The following STOX1 variants were observed in gnomAD, a reference collection of about 807,000 sequenced individuals.
The protein encoded by STOX1 is storkhead box 1.
STOX1 carries 57 observed loss-of-function variants against 74.8 expected under a neutral mutation model. The observed-to-expected ratio is 0.76, with a 90% confidence interval of 0.62 to 0.95. The LOEUF (loss-of-function observed/expected upper bound fraction) is 0.95, where lower values mean the gene tolerates loss of function less well. STOX1 is among the 40% of genes least tolerant of loss of function. The probability of loss-of-function intolerance (pLI) is 0.00; values close to 1 mark genes in which losing one functional copy is unlikely to be tolerated. For synonymous variants in STOX1, 375 were observed against 401.3 expected (o/e 0.93, Z 0.78); for missense variants, 1,010 against 1,117.0 (o/e 0.90, Z 1.37).
At chr10:68,872,356 T>C (rs1019446481) in intron 1 of STOX1, among the ~76,000 whole-genome samples, 3 of 147,472 alleles carry the variant, frequency 2.0e-5, no homozygotes, top group African/African-American at 5.0e-5. Context: ...TTTTTTTTTT[T>C]TTTTTTGAGA....
In STOX1 at chr10:68,835,331, C is replaced by T. The variant is rs1352506402; in HGVS notation, c.310+7398C>T. Among the ~76,000 whole-genome samples the T allele has an allele frequency of 9.2e-5, 14 of 152,244 alleles. No individual in the cohort carries two copies. The South Asian group carries it at 1.0e-3, about 11-fold the overall frequency. The stretch of plus-strand genomic sequence containing the variant: ...TGCTGGGATTACAGGCATGAGCCAC[C>T]GCACCCGGCTGGCTTTATTATTATT... On this transcript the variant is annotated intron_variant, in intron 1 of 3. Coordinates refer to ENST00000298596, the MANE Select transcript of STOX1 (RefSeq NM_152709.5).
chr10:68,857,483 A>G (rs756517463), intron 1 of STOX1, among the ~76,000 whole-genome samples: 1 of 152,084 alleles, frequency 6.6e-6, no homozygotes. Flanking sequence ...CATGTCTCCA[A>G]GGTCCTGGGC....
intron 1 of STOX1, among the ~76,000 whole-genome samples, chr10:68,876,119 AATAT>A (rs56325624): frequency 6.9e-4 from 93 of 135,726 alleles, no homozygotes; most frequent in African/African-American, 2.0e-3. Context: ...TCTTTACCAG[AATAT>A]ATATATATAT....
intron 1 of STOX1, among the ~76,000 whole-genome samples, chr10:68,836,494 G>T (rs974420117): frequency 2.6e-5 from 4 of 152,180 alleles, no homozygotes; most frequent in African/African-American, 9.7e-5. Context: ...CAAGACCTCC[G>T]TCTGTCCTTC....
At chr10:68,843,796 A>C (rs1381156906) in intron 1 of STOX1, among the ~76,000 whole-genome samples, 1 of 151,700 alleles carries the variant, frequency 6.6e-6, no homozygotes, top group Non-Finnish European at 1.5e-5. Context: ...TTGACCTCAG[A>C]TGATCCAACC....
chr10:68,835,319 G>A (rs1839518647), intron 1 of STOX1, among the ~76,000 whole-genome samples: 1 of 152,148 alleles, frequency 6.6e-6, no homozygotes, highest in Non-Finnish European at 1.5e-5. Context: ...TGGGATTACA[G>A]GCATGAGCCA....
intron 1 of STOX1, chr10:68,846,866 C>G (rs1012477732): frequency 3.9e-5 from 6 of 152,026 alleles, no homozygotes; most frequent in African/African-American, 9.7e-5. Flanking sequence ...TAGCATGGCC[C>G]CTGTGCAAGG....
At chr10:68,880,440 A>G (rs1001670002) in intron 1 of STOX1, among the ~76,000 whole-genome samples, 4 of 152,076 alleles carry the variant, frequency 2.6e-5, no homozygotes, top group Admixed American at 1.3e-4. Flanking sequence ...AAGTGTTGGG[A>G]TTATGGGTGT....
At chr10:68,890,734 T>A (rs542310262) in intron 3 of STOX1, among the ~76,000 whole-genome samples, 2 of 144,476 alleles carry the variant, frequency 1.4e-5, no homozygotes, top group South Asian at 4.5e-4. Context: ...CACTGCAACC[T>A]CTGCCTCCCG....
At chr10:68,889,179 C>T (rs1841040120) in intron 3 of STOX1, among the ~76,000 whole-genome samples, 1 of 151,502 alleles carries the variant, frequency 6.6e-6, no homozygotes. Context: ...TACAGTGTTA[C>T]CAGTCTGGTC....
intron 1 of STOX1, among the ~76,000 whole-genome samples, chr10:68,843,358 TATA>T (rs1319609303): frequency 6.6e-6 from 1 of 152,220 alleles, no homozygotes; most frequent in African/African-American, 2.4e-5. Context: ...TGAATAGAAC[TATA>T]ATAACATTCA....
At chr10:68,841,185 T>TG (rs1839685568) in intron 1 of STOX1, among the ~76,000 whole-genome samples, 1 of 150,974 alleles carries the variant, frequency 6.6e-6, no homozygotes, top group South Asian at 2.1e-4. Flanking sequence ...GACCTCGTGA[T>TG]CTGCCCGCCT....
chr10:68,884,624 A>G lies in STOX1; in HGVS notation c.828A>G (p.Val276=). 1 of 1,614,040 alleles carries G rather than the reference A, an allele frequency of 6.2e-7. No homozygotes were observed. Among genetic ancestry groups the G allele is most frequent in the Non-Finnish European group, 8.5e-7 (1 of 1,180,040 alleles). The change falls in exon 3 of 4, where the codon GTA becomes GTG. Residue 276 remains valine, a synonymous_variant. Coordinates refer to ENST00000298596, the MANE Select transcript of STOX1 (RefSeq NM_152709.5). ...GTCACAGAGGTCTTGGGGAATCCGT[A>G]TCTTGGGTACAGAATGGGGCAGTTT... ...RKSHRGLGES[V]SWVQNGAVSV... is the part of the protein sequence containing the mutation.
intron 3 of STOX1, among the ~76,000 whole-genome samples, chr10:68,892,359 T>G (rs1485315295): frequency 6.6e-6 from 1 of 151,976 alleles, no homozygotes; most frequent in Non-Finnish European, 1.5e-5. Flanking sequence ...GAGATGTTTT[T>G]CAGAAAATAT....
At chr10:68,866,690 G>A (rs73266462) in intron 1 of STOX1, among the ~76,000 whole-genome samples, 4,097 of 152,228 alleles carry the variant, frequency 0.027, 193 homozygotes, top group African/African-American at 0.093. Context: ...CTTCTGGCAG[G>A]GGTCCGCAGG....
At chr10:68,844,959 T>G (rs1371169402) in intron 1 of STOX1, among the ~76,000 whole-genome samples, 8 of 151,648 alleles carry the variant, frequency 5.3e-5, no homozygotes, top group Non-Finnish European at 1.0e-4. Context: ...GACAGAGTTT[T>G]GACATGTTGG....
chr10:68,842,708 T>C (rs1839725331), intron 1 of STOX1, among the ~76,000 whole-genome samples: 1 of 145,634 alleles, frequency 6.9e-6, no homozygotes, highest in African/African-American at 2.6e-5. Flanking sequence ...CCTGGCTCAT[T>C]TTTTGTATTT....
Position 68,892,856 on chromosome 10 carries a change from T to A in STOX1, c.*120T>A. ...CTAAAGGCAAGCATATCTATACTATTAACCACATTACACATTTTGTTCTAA... is the reference window on the plus strand; with the variant it reads ...CTAAAGGCAAGCATATCTATACTATAAACCACATTACACATTTTGTTCTAA... On this transcript the variant is annotated 3_prime_UTR_variant, in exon 4 of 4. Coordinates refer to ENST00000298596, the MANE Select transcript of STOX1 (RefSeq NM_152709.5). 1 of 1,109,406 alleles carries A rather than the reference T, an allele frequency of 9.0e-7. No individual in the cohort carries two copies. The highest frequency in any genetic ancestry group is 1.3e-6 in the Non-Finnish European group (1 of 769,400). 68.7% of individuals were successfully genotyped at this position (1,109,406 alleles called of 1,614,324 possible).
intron 3 of STOX1, among the ~76,000 whole-genome samples, chr10:68,890,799 C>A (rs947190186): frequency 1.3e-5 from 2 of 151,762 alleles, no homozygotes; most frequent in Non-Finnish European, 1.5e-5. Flanking sequence ...TACAGGCACA[C>A]GCCACCACGC....
Sources: gnomAD v4.1 joint callset for allele counts (sites outside exome capture counted in the v4.1 genomes callset) on GRCh38, gnomAD v4.1.1 for gene constraint, MANE v1.5 for transcripts, NCBI Gene and HGNC (gene_info 2026-07-23, HGNC 2026-07-21) for gene names.